DOK5: variants seen among roughly 807,000 people sequenced by gnomAD.
DOK5 encodes the protein downstream of tyrosine kinase 5.
Under a neutral mutation model 43.3 loss-of-function variants are expected in DOK5, and 27 were observed. That is an observed-to-expected ratio of 0.62 (90% CI 0.46 to 0.86). The LOEUF is 0.86. DOK5 is among the 40% of genes least tolerant of loss of function. DOK5 has a pLI of 0.00. For synonymous variants in DOK5, 146 were observed against 140.1 expected, an observed-to-expected ratio of 1.04 and a Z score of -0.30; for missense variants, 373 against 392.9, an observed-to-expected ratio of 0.95 and a Z score of 0.43.
intron 2 of DOK5, among the ~76,000 whole-genome samples, chr20:54,572,493 A>G (rs905089280): frequency 1.3e-5 from 2 of 152,138 alleles, no homozygotes; most frequent in East Asian, 3.9e-4. Context: ...TGGGAATACA[A>G]TAGTGCCAGC....
At chr20:54,500,367 C>T (rs1982548895) in intron 1 of DOK5, among the ~76,000 whole-genome samples, 1 of 152,066 alleles carries the variant, frequency 6.6e-6, no homozygotes, top group Admixed American at 6.6e-5. Context: ...TGTCAATAAA[C>T]ATTTTTCTTC....
At chr20:54,489,625 G>A (rs1053000520) in intron 1 of DOK5, among the ~76,000 whole-genome samples, 8 of 151,358 alleles carry the variant, frequency 5.3e-5, no homozygotes, top group Admixed American at 5.3e-4. Flanking sequence ...CATAAAGTAG[G>A]TGTTATTTTA....
chr20:54,480,468 G>A (rs753094908), intron 1 of DOK5, among the ~76,000 whole-genome samples: 1 of 152,214 alleles, frequency 6.6e-6, no homozygotes, highest in Non-Finnish European at 1.5e-5. Flanking sequence ...CCCTTGGTCT[G>A]AAAAGGGGAG....
At chr20:54,555,626 G>A (rs1472030848) in intron 2 of DOK5, 1 of 152,344 alleles carries the variant, frequency 6.6e-6, no homozygotes, top group East Asian at 1.9e-4. Flanking sequence ...CTACATGGCA[G>A]TATATTTCCG....
chr20:54,554,198 G>C (rs1319101515), intron 1 of DOK5, among the ~76,000 whole-genome samples: 2 of 152,148 alleles, frequency 1.3e-5, no homozygotes, highest in African/African-American at 4.8e-5. Context: ...GGAAAGGCTA[G>C]ATCTCAGTAT....
chr20:54,608,611 C>G (rs1454911454), intron 5 of DOK5, among the ~76,000 whole-genome samples: 6 of 151,294 alleles, frequency 4.0e-5, no homozygotes, highest in Non-Finnish European at 4.4e-5. Flanking sequence ...TGAGCTAGTT[C>G]TTTAGATTAG....
chr20:54,638,132 A>AAAC (rs906070979), intron 6 of DOK5, among the ~76,000 whole-genome samples: 1 of 151,542 alleles, frequency 6.6e-6, no homozygotes, highest in African/African-American at 2.4e-5. Context: ...GAAAAAAAAA[A>AAAC]AAAAAGATAA....
In DOK5 at chr20:54,481,172, A is replaced by ATCTC. The variant is rs200356769; in HGVS notation, c.66+5163_66+5164insCTCT. Among the ~76,000 whole-genome samples the ATCTC allele has an allele frequency of 3.3e-3, 496 of 148,952 alleles. 12 individuals are homozygous for ATCTC. Among genetic ancestry groups the ATCTC allele is most frequent in the African/African-American group, 0.012 (461 of 39,904 alleles). On this transcript the variant is annotated intron_variant, in intron 1 of 7. Transcript: ENST00000262593. ...TATCTATCTATCTATCTATCTATCT[A>ATCTC]TCTATCTATATTTTTTTGGCGGAGT...
At chr20:54,525,000 G>A (rs574559520) in intron 1 of DOK5, among the ~76,000 whole-genome samples, 11 of 152,304 alleles carry the variant, frequency 7.2e-5, no homozygotes, top group African/African-American at 2.2e-4. Context: ...GTTCCCAAGC[G>A]GGTGATGGTC....
At chr20:54,552,545 C>CGA (rs1202745011) in intron 1 of DOK5, among the ~76,000 whole-genome samples, 1 of 151,820 alleles carries the variant, frequency 6.6e-6, no homozygotes, top group Non-Finnish European at 1.5e-5. Flanking sequence ...GTAATATGTA[C>CGA]TACATGTTTA....
intron 1 of DOK5, among the ~76,000 whole-genome samples, chr20:54,529,511 A>G (rs572711445): frequency 3.3e-5 from 5 of 150,842 alleles, no homozygotes; most frequent in African/African-American, 1.2e-4. Flanking sequence ...TTTGAATTTT[A>G]CCCCCAACAA....
chr20:54,648,955 T>C (rs1166749713), intron 7 of DOK5, among the ~76,000 whole-genome samples: 2 of 152,172 alleles, frequency 1.3e-5, no homozygotes, highest in Admixed American at 6.5e-5. Context: ...TCCGAACTCT[T>C]CTGTGGGAAT....
At chr20:54,603,676 A>G (rs531979793) in intron 5 of DOK5, among the ~76,000 whole-genome samples, 7 of 152,286 alleles carry the variant, frequency 4.6e-5, no homozygotes, top group African/African-American at 1.7e-4. Context: ...TACAACGCCC[A>G]GGACAGCCCT....
At chr20:54,610,185 G>A (rs975608862) in intron 5 of DOK5, among the ~76,000 whole-genome samples, 2 of 152,204 alleles carry the variant, frequency 1.3e-5, no homozygotes, top group Admixed American at 1.3e-4. Context: ...AGGTTAGCCT[G>A]GAGTCCCTTG....
intron 6 of DOK5, among the ~76,000 whole-genome samples, chr20:54,637,948 C>T (rs369827270): frequency 2.6e-5 from 4 of 152,078 alleles, no homozygotes; most frequent in Non-Finnish European, 5.9e-5. Flanking sequence ...CGGTGAAACC[C>T]CGTCTCTACT....
chr20:54,577,148 A>G (rs1204254305), intron 2 of DOK5, among the ~76,000 whole-genome samples: 3 of 152,200 alleles, frequency 2.0e-5, no homozygotes, highest in African/African-American at 7.2e-5. Flanking sequence ...CCTCCTTTCT[A>G]TGAAATTATA....
intron 1 of DOK5, among the ~76,000 whole-genome samples, chr20:54,509,291 A>T (rs2146685708): frequency 1.3e-5 from 2 of 152,276 alleles, no homozygotes; most frequent in South Asian, 4.1e-4. Flanking sequence ...GCTGGGCTCC[A>T]GCGATTTTCC....
chr20:54,508,383 CCAGG>C lies in DOK5; in HGVS notation c.66+32375_66+32378del, dbSNP rs1415619870. On this transcript the variant is annotated intron_variant, in intron 1 of 7. Transcript: ENST00000262593. ...GCATTTTACTTTGGAAATGACTGTTCCAGGCAGACAGAATTGCACAGGCAAAGGG... is the reference window on the plus strand; with the variant it reads ...GCATTTTACTTTGGAAATGACTGTTCCAGACAGAATTGCACAGGCAAAGGG... 2.0e-5 allele frequency among the ~76,000 whole-genome samples: 3 copies of C among 149,234 alleles called. No homozygotes were observed. The South Asian group carries it at 6.6e-4, about 33-fold the overall frequency.
intron 1 of DOK5, among the ~76,000 whole-genome samples, chr20:54,503,920 G>A (rs1982707394): frequency 6.6e-6 from 1 of 152,196 alleles, no homozygotes; most frequent in Non-Finnish European, 1.5e-5. Context: ...CTTCAAAGAT[G>A]GGGTCATCTT....
Sources: gnomAD v4.1 joint callset for allele counts (sites outside exome capture counted in the v4.1 genomes callset) on GRCh38, gnomAD v4.1.1 for gene constraint, MANE v1.5 for transcripts, NCBI Gene and HGNC (gene_info 2026-07-23, HGNC 2026-07-21) for gene names.